PTPRD: variants seen among roughly 807,000 people sequenced by gnomAD.
PTPRD encodes the protein receptor-type tyrosine-protein phosphatase delta.
PTPRD carries 34 observed loss-of-function variants against 214.5 expected under a neutral mutation model. The ratio of observed to expected loss-of-function variants is 0.16; its 90% CI spans 0.12 to 0.21. The LOEUF (loss-of-function observed/expected upper bound fraction) is 0.21, where lower values mean the gene tolerates loss of function less well. Ranked by LOEUF, PTPRD falls within the 10% of genes least tolerant of loss-of-function variation. The probability of loss-of-function intolerance (pLI) is 1.00; values close to 1 mark genes in which losing one functional copy is unlikely to be tolerated. For synonymous variants in PTPRD, 1,128 were observed against 845.7 expected, an observed-to-expected ratio of 1.33 and a Z score of -5.79; for missense variants, 2,545 against 2,398.7, an observed-to-expected ratio of 1.06 and a Z score of -1.27.
chr9:8,909,721 C>A (rs981422228), intron 11 of PTPRD, among the ~76,000 whole-genome samples: 5 of 151,394 alleles, frequency 3.3e-5, no homozygotes, highest in African/African-American at 1.2e-4. Context: ...ATTCTGGAAC[C>A]ATGTAAACAT....
chr9:10,457,151 G>C (rs984833533), intron 2 of PTPRD, among the ~76,000 whole-genome samples: 4 of 151,824 alleles, frequency 2.6e-5, no homozygotes, highest in African/African-American at 4.8e-5. Flanking sequence ...CTTAAATGTA[G>C]AGCTGGAGTT....
At chr9:8,900,735 A>G (rs1195805745) in intron 11 of PTPRD, among the ~76,000 whole-genome samples, 2 of 152,216 alleles carry the variant, frequency 1.3e-5, no homozygotes, top group African/African-American at 2.4e-5. Flanking sequence ...TGTAGTGAAT[A>G]AACCAAATTA....
intron 33 of PTPRD, among the ~76,000 whole-genome samples, chr9:8,452,332 G>A (rs4742507): frequency 0.056 from 8,475 of 152,276 alleles, 277 homozygotes; most frequent in South Asian, 0.096. Context: ...GTGCTAGAAT[G>A]ATTGTTTTCT....
chr9:9,864,494 C>T (rs12003933), intron 5 of PTPRD, among the ~76,000 whole-genome samples: 13,283 of 151,906 alleles, frequency 0.087, 1,408 homozygotes, highest in African/African-American at 0.26. Flanking sequence ...GTTTCTGTTT[C>T]GGATTTTGTT....
intron 9 of PTPRD, among the ~76,000 whole-genome samples, chr9:9,247,611 T>G (rs1254401378): frequency 1.3e-5 from 2 of 152,016 alleles, no homozygotes; most frequent in Admixed American, 6.6e-5. Context: ...TTCTCAGAAT[T>G]TTCAACTCTA....
intron 6 of PTPRD, among the ~76,000 whole-genome samples, chr9:9,762,903 T>G (rs1033259023): frequency 1.3e-5 from 2 of 152,190 alleles, no homozygotes; most frequent in Non-Finnish European, 2.9e-5. Context: ...TTCTCACATT[T>G]CTGGAGGCTG....
chr9:10,170,790 T>C (rs771836765), intron 3 of PTPRD, among the ~76,000 whole-genome samples: 20 of 152,196 alleles, frequency 1.3e-4, no homozygotes, highest in Admixed American at 1.0e-3. Context: ...TATCTTCCAG[T>C]TGCTTTTCTA....
At position 8,485,844 on chromosome 9, in the gene PTPRD, A is replaced by T. The variant is rs763952043; in HGVS notation, c.2973T>A (p.Asp991Glu). ...TGCTCGTATGAGCACGTACTTTTAC[A>T]TCGTATGTGGTATCTGGTTTTAAGC... Reference protein sequence around the residue: ...LTGLKPDTTYDVKVRAHTSKG... With the variant: ...LTGLKPDTTYEVKVRAHTSKG... Residue 991 changes from aspartate to glutamate, a missense_variant, in exon 28 of 46, where the codon GAT becomes GAA. By Grantham distance (45) the Asp-to-Glu change is conservative (BLOSUM62 2). Transcript: ENST00000381196. 6.2e-7 allele frequency: 1 copy of T among 1,614,142 alleles called. No homozygotes were observed. The highest frequency in any genetic ancestry group is 8.5e-7 in the Non-Finnish European group (1 of 1,180,012).
chr9:8,793,076 C>T (rs143320101), intron 11 of PTPRD, among the ~76,000 whole-genome samples: 1 of 152,186 alleles, frequency 6.6e-6, no homozygotes, highest in Non-Finnish European at 1.5e-5. Flanking sequence ...ACAGATGACT[C>T]GTACCTGGGT....
rs1372970916 is a variant in PTPRD, at chr9:8,375,989, A to G, written c.4608T>C (p.Arg1536=). 6.2e-7 allele frequency: 1 copy of G among 1,612,956 alleles called. No individual in the cohort carries two copies. The highest frequency in any genetic ancestry group is 1.7e-5 in the Admixed American group (1 of 59,878). The stretch of plus-strand genomic sequence containing the variant: ...CGGGAGGGTTACAGGTTTTGACTCT[A>G]CGTAAGAAAGCTAGAAAAGGTGTAG... ...EHPTPFLAFL[R]RVKTCNPPDA... Residue 1536 remains arginine, a synonymous_variant, in exon 39 of 46, where the codon CGT becomes CGC. Transcript: ENST00000381196.
At chr9:10,115,430 CA>C (rs899277028) in intron 3 of PTPRD, among the ~76,000 whole-genome samples, 1 of 151,908 alleles carries the variant, frequency 6.6e-6, no homozygotes, top group African/African-American at 2.4e-5. Context: ...ATTAGGTGAC[CA>C]AAATAATTTG....
intron 5 of PTPRD, among the ~76,000 whole-genome samples, chr9:9,832,488 G>A (rs1247296375): frequency 6.6e-6 from 1 of 151,730 alleles, no homozygotes; most frequent in East Asian, 1.9e-4. Flanking sequence ...TTATTTTCAG[G>A]TACATAGCAT....
chr9:9,247,543 C>T (rs2099973623), intron 9 of PTPRD, among the ~76,000 whole-genome samples: 8 of 152,042 alleles, frequency 5.3e-5, no homozygotes, highest in Admixed American at 5.2e-4. Flanking sequence ...CACTTTCTGC[C>T]TCTACAAATC....
In PTPRD at chr9:10,060,904, CTTTCTTTCT is replaced by C. The variant is rs1567408557; in HGVS notation, c.-544-27123_-544-27115del. On this transcript the variant is annotated intron_variant, in intron 3 of 45. Coordinates refer to ENST00000381196, the MANE Select transcript of PTPRD (RefSeq NM_002839.4). ...TCCTTCCTTCCTTCCTTCCTTCTTT[CTTTCTTTCT>C]TTCTTTCTTTCTTTCTTTCTTTCTT... Among the ~76,000 whole-genome samples, 113 of 68,128 alleles carry C rather than the reference CTTTCTTTCT, an allele frequency of 1.7e-3. 7 individuals carry two copies. Among genetic ancestry groups the C allele is most frequent in the African/African-American group, 8.0e-3 (58 of 7,208 alleles). 44.7% of individuals were successfully genotyped at this position (68,128 alleles called of 152,430 possible).
intron 7 of PTPRD, among the ~76,000 whole-genome samples, chr9:9,687,782 C>T (rs1337617759): frequency 6.6e-6 from 1 of 151,688 alleles, no homozygotes; most frequent in East Asian, 1.9e-4. Flanking sequence ...AGTAGACCTC[C>T]TTCAGGTCTA....
At chr9:8,846,800 G>C (rs1234201883) in intron 11 of PTPRD, among the ~76,000 whole-genome samples, 1 of 152,148 alleles carries the variant, frequency 6.6e-6, no homozygotes, top group Non-Finnish European at 1.5e-5. Context: ...GCAGAGGAAA[G>C]GACATCAAAG....
rs527575657 is a variant in PTPRD at position 8,684,644 on chromosome 9, T to C, written c.65-47800A>G. On this transcript the variant is annotated intron_variant, in intron 12 of 45. Coordinates refer to ENST00000381196, the MANE Select transcript of PTPRD (RefSeq NM_002839.4). ...TACACAAATTATAGTAATTTCTATA[T>C]ATGTTGAAAAATAATAAAAGAATGA... Among the ~76,000 whole-genome samples, 33 of 152,316 alleles carry C rather than the reference T, an allele frequency of 2.2e-4. No individual in the cohort carries two copies. In the South Asian group the frequency reaches 6.4e-3, roughly 30 times the overall value.
At chr9:9,631,115 A>T (rs561651189) in intron 7 of PTPRD, among the ~76,000 whole-genome samples, 1 of 152,112 alleles carries the variant, frequency 6.6e-6, no homozygotes, top group South Asian at 2.1e-4. Flanking sequence ...CAAGGATTTA[A>T]TCCTCAGTTC....
At chr9:10,576,893 C>T (rs192890215) in intron 2 of PTPRD, among the ~76,000 whole-genome samples, 6 of 152,150 alleles carry the variant, frequency 3.9e-5, no homozygotes, top group Non-Finnish European at 8.8e-5. Flanking sequence ...TCTTAATTGC[C>T]AACACTCACC....
Sources: gnomAD v4.1 joint callset for allele counts (sites outside exome capture counted in the v4.1 genomes callset) on GRCh38, gnomAD v4.1.1 for gene constraint, MANE v1.5 for transcripts, NCBI Gene and HGNC (gene_info 2026-07-23, HGNC 2026-07-21) for gene names.